Variants in IGHMBP2 observed in about 807,000 individuals in gnomAD.
The protein encoded by IGHMBP2 is immunoglobulin mu DNA binding protein 2, also known as DNA-binding protein SMUBP-2.
In IGHMBP2, 81 loss-of-function variants were observed where a neutral mutation model predicts 96.0. That is an observed-to-expected ratio of 0.84 (90% CI 0.71 to 1.01). The LOEUF (loss-of-function observed/expected upper bound fraction) is 1.01, where lower values mean the gene tolerates loss of function less well. Ranked by LOEUF, IGHMBP2 falls within the 50% of genes least tolerant of loss-of-function variation. IGHMBP2 has a pLI of 0.00. For missense variants in IGHMBP2, 1,227 were observed against 1,306.3 expected, an observed-to-expected ratio of 0.94 and a Z score of 0.94; for synonymous variants, 557 against 548.9, an observed-to-expected ratio of 1.01 and a Z score of -0.21.
intron 8 of IGHMBP2, chr11:68,932,846 C>T: frequency 5.4e-6 from 1 of 183,586 alleles, no homozygotes; most frequent in Non-Finnish European, 1.2e-5. Flanking sequence ...CTGGAGGATC[C>T]AGGGGAAAAC....
chr11:68,913,488 C>CT (rs1234747961), intron 5 of IGHMBP2, among the ~76,000 whole-genome samples: 43 of 149,530 alleles, frequency 2.9e-4, no homozygotes, highest in African/African-American at 5.4e-4. Context: ...GCCACCTCCT[C>CT]TTTTTTTTTT....
intron 1 of IGHMBP2, among the ~76,000 whole-genome samples, chr11:68,904,352 C>T (rs1158618678): frequency 2.6e-5 from 4 of 152,164 alleles, no homozygotes; most frequent in Admixed American, 1.3e-4. Flanking sequence ...CAGCCCTTTC[C>T]CTTATTCATT....
chr11:68,940,372 C>G lies in IGHMBP2; in HGVS notation c.*641C>G, dbSNP rs1225379802. On this transcript the variant is annotated 3_prime_UTR_variant, in exon 15 of 15. Transcript: ENST00000255078. ...CCTGTGCCAGCCCCTCCTTGTTGCG[C>G]CTCACCGTGGGGACCAGGTGAGCCG... 6.6e-6 allele frequency: 1 copy of G among 152,456 alleles called. No individual in the cohort carries two copies. The highest frequency in any genetic ancestry group is 1.9e-4 in the East Asian group (1 of 5,154). 9.4% of individuals were successfully genotyped at this position (152,456 alleles called of 1,614,324 possible).
chr11:68,922,308 C>T (rs1197378489), intron 7 of IGHMBP2, among the ~76,000 whole-genome samples: 2 of 151,574 alleles, frequency 1.3e-5, no homozygotes, highest in African/African-American at 4.8e-5. Flanking sequence ...CAGAGCCAGA[C>T]TCCGTCTCAA....
At chr11:68,906,505 G>A in intron 2 of IGHMBP2, 1 of 453,402 alleles carries the variant, frequency 2.2e-6, no homozygotes, top group African/African-American at 2.0e-5. Flanking sequence ...ACCAAATTTG[G>A]AAGATTATGT....
intron 7 of IGHMBP2, among the ~76,000 whole-genome samples, chr11:68,921,376 G>A (rs1358813925): frequency 6.6e-6 from 1 of 152,118 alleles, no homozygotes; most frequent in Non-Finnish European, 1.5e-5. Context: ...GGGATTATAG[G>A]CATGAACCAT....
chr11:68,935,552 T>TC, intron 12 of IGHMBP2, 130 bp downstream of exon 12: 1 of 1,121,474 alleles, frequency 8.9e-7, no homozygotes, highest in Non-Finnish European at 1.3e-6. Context: ...CTTCTGTCCT[T>TC]AGTAAGTTCA....
At chr11:68,920,015 T>G (rs1180615544) in intron 7 of IGHMBP2, among the ~76,000 whole-genome samples, 4 of 152,194 alleles carry the variant, frequency 2.6e-5, no homozygotes, top group Non-Finnish European at 5.9e-5. Flanking sequence ...TAGAACATTT[T>G]CATCTTGCAG....
intron 8 of IGHMBP2, 64 bp from the exon 9 acceptor site, chr11:68,933,235 T>C: frequency 2.0e-6 from 3 of 1,510,922 alleles, no homozygotes; most frequent in Non-Finnish European, 2.7e-6. Context: ...CCTCACTTGC[T>C]GTGGTTCACA....
chr11:68,910,254 G>A (rs1275814101), intron 4 of IGHMBP2, among the ~76,000 whole-genome samples: 1 of 152,196 alleles, frequency 6.6e-6, no homozygotes, highest in Non-Finnish European at 1.5e-5. Flanking sequence ...AATTCTAAAT[G>A]CAGTCACATT....
In IGHMBP2 at chr11:68,936,321, C is replaced by T. The variant is rs1206885388; in HGVS notation, c.1841C>T (p.Ser614Phe). Residue 614 changes from serine (S) to phenylalanine (F), a missense_variant, in exon 13 of 15, where the codon TCC (serine) becomes TTC (phenylalanine). This residue lies in a region of IGHMBP2 where 703 missense variants were observed against 770.3 expected (regional missense o/e 0.91). Coordinates refer to ENST00000255078, the MANE Select transcript of IGHMBP2 (RefSeq NM_002180.3). ...CGCCACGTGGCGGTCATCTGTGACTCCCGTACTGTCAACAACCATGCATTT... is the reference window on the plus strand; with the variant it reads ...CGCCACGTGGCGGTCATCTGTGACTTCCGTACTGTCAACAACCATGCATTT... The part of the protein sequence containing the change: ...ARRHVAVICD[S>F]RTVNNHAFLK... The T allele has an allele frequency of 6.2e-7, 1 of 1,614,212 alleles. No homozygotes were observed.
intron 2 of IGHMBP2, 71 bp downstream of exon 2, chr11:68,906,309 A>C: frequency 6.7e-7 from 1 of 1,503,270 alleles, no homozygotes; most frequent in Non-Finnish European, 9.3e-7. Flanking sequence ...ACCCTCGTAA[A>C]GACTGGATTA....
intron 8 of IGHMBP2, chr11:68,930,268 C>A (rs1218449812): frequency 7.8e-7 from 1 of 1,283,490 alleles, no homozygotes; most frequent in East Asian, 5.6e-5. Context: ...AGATTGATTT[C>A]TTCAGATTTC....
chr11:68,908,073 T>G, intron 2 of IGHMBP2, 72 bp from the exon 3 acceptor site: 1 of 1,154,758 alleles, frequency 8.7e-7, no homozygotes, highest in Non-Finnish European at 1.3e-6. Context: ...TGAAGTATAG[T>G]GGATTTTATT....
At chr11:68,924,419 G>A (rs1327715848) in intron 7 of IGHMBP2, among the ~76,000 whole-genome samples, 2 of 152,356 alleles carry the variant, frequency 1.3e-5, no homozygotes, top group Non-Finnish European at 2.9e-5. Flanking sequence ...AGTTTATCTG[G>A]GCGGAGAGCC....
intron 7 of IGHMBP2, among the ~76,000 whole-genome samples, chr11:68,920,401 A>G (rs1156460399): frequency 6.6e-6 from 1 of 152,056 alleles, no homozygotes; most frequent in African/African-American, 2.4e-5. Context: ...CCCAGCCCCC[A>G]CCTTTCTTTC....
At chr11:68,921,144 C>T (rs1858861879) in intron 7 of IGHMBP2, among the ~76,000 whole-genome samples, 1 of 148,704 alleles carries the variant, frequency 6.7e-6, no homozygotes. Flanking sequence ...GTTATATTTT[C>T]CTCCTCTTCT....
chr11:68,935,146 G>A (rs1437961369), intron 11 of IGHMBP2, among the ~76,000 whole-genome samples, 153 bp from the exon 12 acceptor site: 1 of 152,350 alleles, frequency 6.6e-6, no homozygotes, highest in Non-Finnish European at 1.5e-5. Flanking sequence ...TGAGGAGGGC[G>A]AACGGGAAGC....
Position 68,930,307 on chromosome 11 carries a change from C to T in IGHMBP2, c.1235+950C>T, listed in dbSNP as rs78442728. 1,004 of 1,289,406 alleles carry T rather than the reference C, an allele frequency of 7.8e-4. 5 individuals carry two copies. In the African/African-American group the frequency reaches 0.013, roughly 17 times the overall value. The allele number at this position is 1,289,406 out of a possible 1,614,324, so 79.9% of individuals were successfully genotyped here. A position where few individuals can be genotyped will look rare whatever the true frequency, so the allele number is the denominator to read the frequency against. Reference sequence around the variant, plus strand: ...TGCCTTTTGAAACACTTCTCTGTTTCACTGTGGGTGTGTAGAAGCTATGAA... The same window carrying T: ...TGCCTTTTGAAACACTTCTCTGTTTTACTGTGGGTGTGTAGAAGCTATGAA... On this transcript the variant is annotated intron_variant, in intron 8 of 14. Coordinates refer to ENST00000255078, the MANE Select transcript of IGHMBP2 (RefSeq NM_002180.3).
Sources: gnomAD v4.1 joint callset for allele counts (sites outside exome capture counted in the v4.1 genomes callset) on GRCh38, gnomAD v4.1.1 for gene constraint, gnomAD v4.1.1 regional missense constraint, MANE v1.5 for transcripts, NCBI Gene and HGNC (gene_info 2026-07-23, HGNC 2026-07-21) for gene names.